The following HMCN1 variants were observed in gnomAD, a reference collection of about 807,000 sequenced individuals.
HMCN1 encodes hemicentin-1.
In HMCN1, 321 loss-of-function variants were observed where a neutral mutation model predicts 625.9. The observed-to-expected ratio is 0.51, with a 90% CI of 0.47 to 0.56. The LOEUF is 0.56. HMCN1 is among the 20% of genes least tolerant of loss of function. The pLI, the probability that HMCN1 is intolerant of heterozygous loss-of-function variation, is 0.00. For missense variants in HMCN1, 6,588 were observed against 6,887.3 expected, an observed-to-expected ratio of 0.96 and a Z score of 1.54; for synonymous variants, 2,425 against 2,417.6, an observed-to-expected ratio of 1.00 and a Z score of -0.09.
At chr1:186,173,730 A>G (rs1652383699) in intron 102 of HMCN1, among the ~76,000 whole-genome samples, 1 of 152,036 alleles carries the variant, frequency 6.6e-6, no homozygotes, top group Admixed American at 6.6e-5. Context: ...AATATTTTTC[A>G]GAATATTGGC....
intron 1 of HMCN1, among the ~76,000 whole-genome samples, chr1:185,822,709 G>T (rs1441519592): frequency 6.6e-6 from 1 of 152,106 alleles, no homozygotes; most frequent in East Asian, 1.9e-4. Flanking sequence ...TAGTTGCCTG[G>T]CAGGAGTTAA....
At chr1:185,980,437 T>C (rs1283773575) in intron 16 of HMCN1, among the ~76,000 whole-genome samples, 3 of 152,208 alleles carry the variant, frequency 2.0e-5, no homozygotes, top group African/African-American at 7.2e-5. Context: ...TACACACATT[T>C]CAGTGGGAGC....
chr1:185,791,232 C>A (rs959820776), intron 1 of HMCN1, among the ~76,000 whole-genome samples: 2 of 151,978 alleles, frequency 1.3e-5, no homozygotes, highest in East Asian at 3.9e-4. Context: ...TTTGTTCATG[C>A]CTCTTACAGT....
intron 36 of HMCN1, among the ~76,000 whole-genome samples, chr1:186,033,078 A>G (rs957208817): frequency 2.0e-5 from 3 of 151,948 alleles, no homozygotes; most frequent in African/African-American, 4.8e-5. Flanking sequence ...ACACACACAC[A>G]CACACACACA....
At chr1:185,784,585 C>T (rs1657424206) in intron 1 of HMCN1, among the ~76,000 whole-genome samples, 1 of 151,828 alleles carries the variant, frequency 6.6e-6, no homozygotes, top group Non-Finnish European at 1.5e-5. Context: ...TCTTAGCTTT[C>T]TTCCTAGGCA....
intron 6 of HMCN1, among the ~76,000 whole-genome samples, chr1:185,913,377 T>A (rs1295663325): frequency 6.6e-6 from 1 of 152,190 alleles, no homozygotes; most frequent in African/African-American, 2.4e-5. Flanking sequence ...TTTTATGTAA[T>A]GGTTATTTTG....
chr1:185,802,579 C>G (rs552281290), intron 1 of HMCN1, among the ~76,000 whole-genome samples: 1 of 152,160 alleles, frequency 6.6e-6, no homozygotes, highest in South Asian at 2.1e-4. Context: ...AAAGAGAAAA[C>G]CAGGACAATG....
intron 1 of HMCN1, among the ~76,000 whole-genome samples, chr1:185,753,318 G>T (rs1654935314): frequency 6.6e-6 from 1 of 151,996 alleles, no homozygotes; most frequent in Admixed American, 6.5e-5. Flanking sequence ...CTATGCCAAT[G>T]GCTCAGTTTT....
intron 37 of HMCN1, 32 bp downstream of exon 37, chr1:186,038,067 AT>A: frequency 7.4e-7 from 1 of 1,358,142 alleles, no homozygotes; most frequent in East Asian, 2.3e-5. Context: ...GTAACTTAAT[AT>A]TTTAAGATTT....
At chr1:185,813,774 TTG>T (rs1659676236) in intron 1 of HMCN1, among the ~76,000 whole-genome samples, 1 of 152,204 alleles carries the variant, frequency 6.6e-6, no homozygotes. Context: ...TTATTTTTAC[TTG>T]TGTTTGCTGT....
At chr1:185,953,221 T>C (rs1412049573) in intron 11 of HMCN1, among the ~76,000 whole-genome samples, 8 of 151,338 alleles carry the variant, frequency 5.3e-5, no homozygotes, top group African/African-American at 1.5e-4. Flanking sequence ...GTTGGGATAC[T>C]TGCCATTTCC....
intron 71 of HMCN1, among the ~76,000 whole-genome samples, chr1:186,112,414 G>A (rs1253869768): frequency 2.0e-5 from 3 of 152,220 alleles, no homozygotes; most frequent in African/African-American, 7.2e-5. Flanking sequence ...CATTGCCTTA[G>A]ATTCAGGACA....
chr1:186,187,749 T>G (rs1348354687), intron 105 of HMCN1, 134 bp from the exon 106 acceptor site: 30 of 1,162,274 alleles, frequency 2.6e-5, no homozygotes, highest in Non-Finnish European at 3.6e-5. Context: ...TAAAGAAGGT[T>G]AGGTATGACT....
intron 97 of HMCN1, among the ~76,000 whole-genome samples, chr1:186,163,978 T>G (rs1651700270): frequency 6.6e-6 from 1 of 152,184 alleles, no homozygotes. Context: ...TTTCCACAAT[T>G]ATGTCCCCAG....
chr1:186,169,973 A>G (rs933184436), intron 100 of HMCN1, among the ~76,000 whole-genome samples: 8 of 151,892 alleles, frequency 5.3e-5, no homozygotes, highest in African/African-American at 1.9e-4. Context: ...ACTTAAATTT[A>G]CAAGAAAAAA....
chr1:186,072,375 T>G (rs540891837), intron 52 of HMCN1, among the ~76,000 whole-genome samples: 25 of 152,310 alleles, frequency 1.6e-4, no homozygotes, highest in African/African-American at 5.8e-4. Context: ...TTTATATAAG[T>G]GATACAATGT....
rs533945369 is a variant in HMCN1 at position 185,792,424 on chromosome 1, T to C, written c.269-53602T>C. 4.0e-3 allele frequency among the ~76,000 whole-genome samples: 606 copies of C among 152,330 alleles called. 3 individuals are homozygous for C. The highest frequency in any genetic ancestry group is 0.015 in the South Asian group (73 of 4,830). On this transcript the variant is annotated intron_variant, in intron 1 of 106. Coordinates refer to ENST00000271588, the MANE Select transcript of HMCN1 (RefSeq NM_031935.3). ...TTATCTTTTTAGTAGAAAATTGTTT[T>C]CTCAGAATGTCCAGGACAGGAGCTG...
chr1:186,164,005 A>G (rs972073911), intron 97 of HMCN1, among the ~76,000 whole-genome samples: 9 of 152,204 alleles, frequency 5.9e-5, no homozygotes, highest in Admixed American at 2.0e-4. Context: ...CCCACACAAC[A>G]TAACTGGTTG....
chr1:185,955,558 T>G (rs1048732450), intron 11 of HMCN1, among the ~76,000 whole-genome samples: 7 of 152,134 alleles, frequency 4.6e-5, no homozygotes, highest in Non-Finnish European at 1.0e-4. Flanking sequence ...GTAGACAAGT[T>G]GTCAGATTAA....
Sources: gnomAD v4.1 joint callset for allele counts (sites outside exome capture counted in the v4.1 genomes callset) on GRCh38, gnomAD v4.1.1 for gene constraint, MANE v1.5 for transcripts, NCBI Gene and HGNC (gene_info 2026-07-23, HGNC 2026-07-21) for gene names.